The following CPAMD8 variants were observed in gnomAD, a reference collection of about 807,000 sequenced individuals.
The protein encoded by CPAMD8 is C3 and PZP like alpha-2-macroglobulin domain containing 8, also known as C3 and PZP-like alpha-2-macroglobulin domain-containing protein 8.
A neutral mutation model predicts 224.7 loss-of-function variants in CPAMD8; 146 were observed. The ratio of observed to expected loss-of-function variants is 0.65; its 90% confidence interval spans 0.57 to 0.75. The LOEUF (loss-of-function observed/expected upper bound fraction) is 0.75, where lower values mean the gene tolerates loss of function less well. Among genes scored for constraint, CPAMD8 ranks in the 30% least tolerant of loss-of-function variants. CPAMD8 has a pLI of 0.00. For synonymous variants in CPAMD8, 966 were observed against 1,044.6 expected (o/e 0.92, Z 1.45); for missense variants, 2,301 against 2,537.5 (o/e 0.91, Z 2.00).
At position 16,997,345 on chromosome 19, in the gene CPAMD8, G is replaced by C. The variant is rs762582244; in HGVS notation, c.868-7C>G. 6.5e-6 allele frequency: 10 copies of C among 1,542,430 alleles called. No individual in the cohort carries two copies. The Admixed American group carries it at 1.9e-4, about 29-fold the overall frequency. On this transcript the variant is annotated splice_polypyrimidine_tract_variant and splice_region_variant and intron_variant, in intron 10 of 41. Transcript: ENST00000443236. ...AGTCCCGGGAGCCGAGGATCTGGAG[G>C]GAGGAAAAACACAGCCCGTGCTCAC...
rs141742862 is a variant in CPAMD8, at chr19:16,946,515, TTGTG to T, written c.2662+555_2662+558del. ...CACATGTGGGCATGTGTGTGTGGAT[TTGTG>T]TGTGTGTGTGAATGCATGTCTACAC... On this transcript the variant is annotated intron_variant, in intron 21 of 41. Transcript: ENST00000443236. 9.4e-5 allele frequency among the ~76,000 whole-genome samples: 13 copies of T among 138,064 alleles called. 1 individual carries two copies. The highest frequency in any genetic ancestry group is 7.0e-4 in the South Asian group (3 of 4,304). The allele number at this position is 138,064 out of a possible 152,430, so 90.6% of individuals were successfully genotyped here. A position where few individuals can be genotyped will look rare whatever the true frequency, so the allele number is the denominator to read the frequency against.
chr19:16,993,213 G>A (rs1183193221), intron 12 of CPAMD8, among the ~76,000 whole-genome samples: 1 of 152,156 alleles, frequency 6.6e-6, no homozygotes, highest in Admixed American at 6.6e-5. Flanking sequence ...GGCATAACTG[G>A]TCCAGGCACC....
rs2051820666 is a variant in CPAMD8, at chr19:16,893,040, C to T, written c.*68G>A. Reference sequence around the variant, plus strand: ...CTGAGATGTTAACCACAGGCACAAGCTGGGTGTGTGGGTATGAATGGTCCC... The same window carrying T: ...CTGAGATGTTAACCACAGGCACAAGTTGGGTGTGTGGGTATGAATGGTCCC... On this transcript the variant is annotated 3_prime_UTR_variant, in exon 42 of 42. Transcript: ENST00000443236. 1 of 790,246 alleles carries T rather than the reference C, an allele frequency of 1.3e-6. No individual in the cohort carries two copies. The highest frequency in any genetic ancestry group is 1.7e-5 in the Admixed American group (1 of 58,678). 49.0% of individuals were successfully genotyped at this position (790,246 alleles called of 1,614,324 possible).
intron 6 of CPAMD8, chr19:17,008,838 A>G: frequency 2.0e-6 from 1 of 499,024 alleles, no homozygotes; most frequent in South Asian, 2.3e-5. Context: ...CTGTAATCCC[A>G]GCAGTTTGGG....
At chr19:16,928,579 C>T (rs191994321) in intron 24 of CPAMD8, among the ~76,000 whole-genome samples, 1 of 152,214 alleles carries the variant, frequency 6.6e-6, no homozygotes, top group Admixed American at 6.5e-5. Context: ...TTATGTTCTT[C>T]CTCTAGGAAG....
At chr19:17,008,785 T>C in intron 6 of CPAMD8, 1 of 596,200 alleles carries the variant, frequency 1.7e-6, no homozygotes, top group Non-Finnish European at 3.0e-6. Context: ...GGGAGCCGTG[T>C]ACAAACCTAG....
chr19:17,017,682 C>CA (rs1555791996), intron 3 of CPAMD8, among the ~76,000 whole-genome samples: 1 of 152,166 alleles, frequency 6.6e-6, no homozygotes, highest in Non-Finnish European at 1.5e-5. Flanking sequence ...CCCTGTAGGG[C>CA]AAAAGCCCCC....
Position 17,017,549 on chromosome 19 carries a change from C to T in CPAMD8, c.267+2782G>A, listed in dbSNP as rs138309774. 2.4e-3 allele frequency among the ~76,000 whole-genome samples: 364 copies of T among 152,256 alleles called. 2 individuals are homozygous for T. Among genetic ancestry groups the T allele is most frequent in the African/African-American group, 8.2e-3 (342 of 41,552 alleles). On this transcript the variant is annotated intron_variant, in intron 3 of 41. Transcript: ENST00000443236. ...TCCTTCTTTGCTGTAAGGGATCCTG[C>T]GCATTGTAAGATGTTGAGTTGCAGC...
intron 17 of CPAMD8, among the ~76,000 whole-genome samples, chr19:16,972,233 A>G (rs2055088054): frequency 6.7e-6 from 1 of 150,036 alleles, no homozygotes; most frequent in Non-Finnish European, 1.5e-5. Flanking sequence ...CTGCAATCAT[A>G]GCTCACTGCA....
At chr19:17,016,205 T>G (rs2056808247) in intron 3 of CPAMD8, among the ~76,000 whole-genome samples, 1 of 152,156 alleles carries the variant, frequency 6.6e-6, no homozygotes, top group South Asian at 2.1e-4. Context: ...TCCTCCAGTT[T>G]CAGCCTCCCA....
intron 41 of CPAMD8, chr19:16,895,897 G>GCA: frequency 3.6e-6 from 2 of 550,384 alleles, no homozygotes; most frequent in African/African-American, 2.2e-5. Context: ...GCGCGCGCGC[G>GCA]CGCACGCACA....
rs774046674 is a variant in CPAMD8, at chr19:16,893,178, A to G, written c.5588T>C (p.Val1863Ala). 6.3e-7 allele frequency: 1 copy of G among 1,598,028 alleles called. No homozygotes were observed. The highest frequency in any genetic ancestry group is 8.6e-7 in the Non-Finnish European group (1 of 1,168,092). Residue 1863 changes from valine to alanine, a missense_variant, in exon 42 of 42, where the codon GTC (valine) becomes GCC (alanine). By Grantham distance (64) the Val-to-Ala change is moderately conservative. Around this residue, in one of 4 missense-constraint regions of CPAMD8, gnomAD observed 1,709 missense variants for 1,753.2 expected, o/e 0.97. Coordinates refer to ENST00000443236, the MANE Select transcript of CPAMD8 (RefSeq NM_015692.5). ...ACCACTCTGAAAGGCTGGGCTGTAG[A>G]CGAAGACAGGGCTCAGAAGCCCTGG... ...HRPGLLSPVF[V>A]YSPAFQSGGE...
At chr19:16,979,533 T>C (rs1032620772) in intron 14 of CPAMD8, among the ~76,000 whole-genome samples, 1 of 151,244 alleles carries the variant, frequency 6.6e-6, no homozygotes, top group African/African-American at 2.4e-5. Context: ...CATCCATCTC[T>C]CTGTCCATTC....
At chr19:16,947,795 T>A (rs1399068053) in intron 20 of CPAMD8, among the ~76,000 whole-genome samples, 2 of 152,180 alleles carry the variant, frequency 1.3e-5, no homozygotes, top group African/African-American at 4.8e-5. Flanking sequence ...TACACACATG[T>A]GCATCTACCG....
At chr19:16,950,679 T>C (rs2054269087) in intron 20 of CPAMD8, among the ~76,000 whole-genome samples, 1 of 150,448 alleles carries the variant, frequency 6.6e-6, no homozygotes, top group East Asian at 2.0e-4. Flanking sequence ...TGTAGTCCCA[T>C]CTACTTGAGA....
intron 6 of CPAMD8, chr19:17,008,771 T>C: frequency 3.2e-6 from 2 of 625,526 alleles, no homozygotes. Flanking sequence ...TACCTCCTCA[T>C]TTAGGGAGCC....
intron 19 of CPAMD8, among the ~76,000 whole-genome samples, chr19:16,956,647 T>TA (rs1272744572): frequency 2.6e-5 from 4 of 151,946 alleles, no homozygotes; most frequent in African/African-American, 9.7e-5. Context: ...CTGGGCAACA[T>TA]ACAGAGACCC....
At chr19:16,994,797 C>T (rs567639014) in intron 11 of CPAMD8, among the ~76,000 whole-genome samples, 12 of 151,806 alleles carry the variant, frequency 7.9e-5, no homozygotes, top group Admixed American at 2.0e-4. Context: ...GAGCCACAAA[C>T]GTCTGGCCTA....
intron 15 of CPAMD8, among the ~76,000 whole-genome samples, 173 bp from the exon 16 acceptor site, chr19:16,976,324 A>G (rs1005307378): frequency 2.2e-4 from 34 of 151,920 alleles, no homozygotes; most frequent in African/African-American, 7.5e-4. Flanking sequence ...AAAAATACAA[A>G]ATTTAGCTGG....
Sources: allele counts gnomAD v4.1 joint callset (sites outside exome capture counted in the v4.1 genomes callset), GRCh38; gene constraint gnomAD v4.1.1; regional missense constraint gnomAD v4.1.1; transcripts MANE v1.5; gene names NCBI Gene and HGNC (gene_info 2026-07-23, HGNC 2026-07-21).